AKAP9: variants seen among roughly 807,000 people sequenced by gnomAD.
AKAP9 encodes A-kinase anchoring protein 9.
AKAP9 carries 311 observed loss-of-function variants against 488.5 expected under a neutral mutation model. The observed-to-expected ratio is 0.64, with a 90% CI of 0.58 to 0.70. The LOEUF (loss-of-function observed/expected upper bound fraction) is 0.70, where lower values mean the gene tolerates loss of function less well. AKAP9 is among the 30% of genes least tolerant of loss of function. AKAP9 has a pLI of 0.00. For synonymous variants in AKAP9, 1,462 were observed against 1,483.5 expected, an observed-to-expected ratio of 0.99 and a Z score of 0.33; for missense variants, 4,215 against 4,374.5, an observed-to-expected ratio of 0.96 and a Z score of 1.03.
At chr7:91,994,844 G>A in intron 6 of AKAP9, 68 bp downstream of exon 6, 1 of 1,465,624 alleles carries the variant, frequency 6.8e-7, no homozygotes, top group Non-Finnish European at 9.4e-7. Context: ...TCACTTTCAA[G>A]AACAAATCTA....
chr7:92,018,452 T>C (rs573837901), intron 12 of AKAP9, among the ~76,000 whole-genome samples: 14 of 123,092 alleles, frequency 1.1e-4, no homozygotes, highest in Non-Finnish European at 2.2e-4. Context: ...AGAGAAATAT[T>C]CAAAACTAAA....
rs1300487278 is a variant in AKAP9, at chr7:91,981,642, C to T, written c.351+1309C>T. 3.0e-5 allele frequency among the ~76,000 whole-genome samples: 4 copies of T among 134,826 alleles called. No individual in the cohort carries two copies. The South Asian group carries it at 9.6e-4, about 33-fold the overall frequency. The allele number at this position is 134,826 out of a possible 152,430, so 88.5% of individuals were successfully genotyped here. On this transcript the variant is annotated intron_variant, in intron 3 of 49. Coordinates refer to ENST00000356239, the MANE Select transcript of AKAP9 (RefSeq NM_005751.5). ...TTTTTTTCACCAAGATGGAGTCTCA[C>T]TCTGTTGCCCAGACTGGAGTGCAGT...
chr7:92,057,418 C>T (rs1303622613), intron 22 of AKAP9, among the ~76,000 whole-genome samples: 1 of 152,014 alleles, frequency 6.6e-6, no homozygotes, highest in African/African-American at 2.4e-5. Flanking sequence ...TGTCTAAATG[C>T]CCTTTCAAAG....
chr7:92,095,253 T>C (rs1231358362), intron 40 of AKAP9, 80 bp downstream of exon 40: 28 of 1,517,060 alleles, frequency 1.8e-5, no homozygotes, highest in Non-Finnish European at 2.5e-5. Flanking sequence ...CCATCTAAAA[T>C]GTCAACCTTA....
intron 43 of AKAP9, 45 bp from the exon 44 acceptor site, chr7:92,099,642 C>T (rs747135228): frequency 3.2e-6 from 5 of 1,582,436 alleles, no homozygotes; most frequent in African/African-American, 2.7e-5. Flanking sequence ...GCATTATTCA[C>T]ATCCATTTGT....
At chr7:91,949,828 C>T (rs902118948) in intron 1 of AKAP9, among the ~76,000 whole-genome samples, 1 of 151,956 alleles carries the variant, frequency 6.6e-6, no homozygotes, top group African/African-American at 2.4e-5. Flanking sequence ...ATTCCTTTTT[C>T]CTCCTTGTTC....
chr7:91,963,704 G>A (rs536855413), intron 1 of AKAP9, among the ~76,000 whole-genome samples: 2 of 152,238 alleles, frequency 1.3e-5, no homozygotes, highest in South Asian at 4.1e-4. Context: ...ATTTTTAGTA[G>A]AGATGTGGTT....
At chr7:92,026,183 G>A (rs182686001) in intron 14 of AKAP9, among the ~76,000 whole-genome samples, 21 of 152,272 alleles carry the variant, frequency 1.4e-4, no homozygotes, top group Admixed American at 9.8e-4. Flanking sequence ...AAATCAACAG[G>A]GGTTGCAGAT....
At chr7:91,980,840 T>C (rs1396076663) in intron 3 of AKAP9, among the ~76,000 whole-genome samples, 1 of 152,134 alleles carries the variant, frequency 6.6e-6, no homozygotes, top group African/African-American at 2.4e-5. Flanking sequence ...TAAAAGTATA[T>C]GTCATTTTGT....
rs149422715 is a variant in AKAP9 at position 92,006,203 on chromosome 7, T to C, written c.3318+2968T>C. 4.0e-4 allele frequency among the ~76,000 whole-genome samples: 61 copies of C among 151,706 alleles called. 1 individual carries two copies. In the East Asian group the frequency reaches 8.4e-3, roughly 21 times the overall value. ...GCTCTCACTGCCGTCCAGGCTAGAG[T>C]CTCATGGCGCAATCACAGCATCCTG... On this transcript the variant is annotated intron_variant, in intron 8 of 49. Coordinates refer to ENST00000356239, the MANE Select transcript of AKAP9 (RefSeq NM_005751.5).
chr7:92,072,201 A>G (rs1357954688), intron 28 of AKAP9, among the ~76,000 whole-genome samples: 3 of 152,326 alleles, frequency 2.0e-5, no homozygotes, highest in South Asian at 4.1e-4. Flanking sequence ...TAGCACTGCT[A>G]TCTTGAATTA....
chr7:91,985,809 G>A, intron 3 of AKAP9, among the ~76,000 whole-genome samples: 1 of 152,024 alleles, frequency 6.6e-6, no homozygotes. Context: ...CACCATATCT[G>A]GCTAATTTTT....
In AKAP9 at chr7:92,041,933, A is replaced by C. The variant is rs928164432; in HGVS notation, c.4918-113A>C. ...AACCCCTTACGATGGAATATGAATC[A>C]TAAGTAGAACCAGGGCCTGTTGGTC... On this transcript the variant is annotated intron_variant, in intron 18 of 49. Coordinates refer to ENST00000356239, the MANE Select transcript of AKAP9 (RefSeq NM_005751.5). 1.2e-5 allele frequency: 13 copies of C among 1,109,248 alleles called. No homozygotes were observed. In the Middle Eastern group the frequency reaches 8.9e-4, roughly 76 times the overall value. The allele number at this position is 1,109,248 out of a possible 1,614,324, so 68.7% of individuals were successfully genotyped here.
intron 20 of AKAP9, 119 bp downstream of exon 20, chr7:92,042,890 C>T: frequency 1.4e-6 from 1 of 710,318 alleles, no homozygotes; most frequent in Non-Finnish European, 2.5e-6. Context: ...ATCATCATAC[C>T]ATCTGTGTAT....
intron 1 of AKAP9, 23 bp downstream of exon 1, chr7:91,941,170 G>A: frequency 6.2e-7 from 1 of 1,612,010 alleles, no homozygotes. Context: ...GAGGCAACCG[G>A]GCCTGCGGTG....
At chr7:91,969,247 T>C (rs1049519582) in intron 1 of AKAP9, among the ~76,000 whole-genome samples, 7 of 152,176 alleles carry the variant, frequency 4.6e-5, no homozygotes, top group African/African-American at 1.7e-4. Context: ...GTGACTGATT[T>C]TTAGTTTTAT....
intron 8 of AKAP9, among the ~76,000 whole-genome samples, chr7:92,004,284 T>C (rs1391522629): frequency 6.6e-6 from 1 of 152,188 alleles, no homozygotes; most frequent in Non-Finnish European, 1.5e-5. Flanking sequence ...CTTGGCAATG[T>C]GGGCTCTTTT....
chr7:92,077,075 T>TATC, intron 29 of AKAP9, 68 bp downstream of exon 29: 1 of 504,344 alleles, frequency 2.0e-6, no homozygotes, highest in Non-Finnish European at 2.8e-6. Flanking sequence ...GCTTTATTAT[T>TATC]ATTATTATTA....
intron 2 of AKAP9, among the ~76,000 whole-genome samples, chr7:91,975,652 T>C (rs1405329147): frequency 2.0e-5 from 3 of 152,194 alleles, no homozygotes; most frequent in African/African-American, 7.2e-5. Flanking sequence ...CTGGAAGATA[T>C]AAGACAATGT....
Sources: gnomAD v4.1 joint callset for allele counts (sites outside exome capture counted in the v4.1 genomes callset) on GRCh38, gnomAD v4.1.1 for gene constraint, MANE v1.5 for transcripts, NCBI Gene and HGNC (gene_info 2026-07-23, HGNC 2026-07-21) for gene names.